Variants in SYTL5 observed in about 807,000 individuals in gnomAD.
SYTL5 encodes the protein synaptotagmin like 5, also known as synaptotagmin-like protein 5.
In SYTL5, 34 loss-of-function variants were observed where a neutral mutation model predicts 55.9. The observed-to-expected ratio is 0.61, with a 90% CI of 0.46 to 0.81. The LOEUF is 0.81. Among genes scored for constraint, SYTL5 ranks in the 30% least tolerant of loss-of-function variants. The pLI, the probability that SYTL5 is intolerant of heterozygous loss-of-function variation, is 0.00. For synonymous variants in SYTL5, 221 were observed against 188.7 expected (o/e 1.17, Z -1.40); for missense variants, 637 against 546.7 (o/e 1.17, Z -1.65).
At chrX:37,914,902 T>C in the SYTL5 span, among the ~76,000 whole-genome samples, 2 of 111,739 alleles carry the variant, frequency 1.8e-5, no homozygotes, top group Admixed American at 1.9e-4. Flanking sequence ...TGTTGTTAAG[T>C]ATATTGTAAT....
At chrX:37,898,413 A>T in the SYTL5 span, among the ~76,000 whole-genome samples, 1 of 111,969 alleles carries the variant, frequency 8.9e-6, no homozygotes, top group African/African-American at 3.2e-5. Context: ...TCAGGAGCTG[A>T]CTTGCTTCTT....
Position 38,043,353 on chromosome X carries a change from T to C in SYTL5, c.119+9345T>C, listed in dbSNP as rs1017055953. On this transcript the variant is annotated intron_variant, in intron 2 of 16. Coordinates refer to ENST00000297875, the MANE Select transcript of SYTL5 (RefSeq NM_138780.3). ...CAGAGGTGAATAGTCTCCATTTGTG[T>C]TGAATTTCCTTCCTGTCACTTTTAT... 3.2e-4 allele frequency among the ~76,000 whole-genome samples: 35 copies of C among 108,837 alleles called. 1 individual carries two copies. The highest frequency in any genetic ancestry group is 6.1e-4 in the Non-Finnish European group (32 of 52,363). 94.5% of individuals were successfully genotyped at this position (108,837 alleles called of 115,157 possible). A position where few individuals can be genotyped will look rare whatever the true frequency, so the allele number is the denominator to read the frequency against.
At chrX:37,956,665 C>T in the SYTL5 span, among the ~76,000 whole-genome samples, 2 of 111,664 alleles carry the variant, frequency 1.8e-5, no homozygotes, top group African/African-American at 6.5e-5. Flanking sequence ...TATTTATATA[C>T]CGTATTTTTT....
At position 38,106,752 on chromosome X, in the gene SYTL5, A is replaced by G; in HGVS notation, c.1315A>G (p.Lys439Glu). ...NCRNLAIGDE[K>E]KQRTDAYVKS... is the part of the protein sequence containing the mutation. ...CAGAAATCTGGCCATAGGAGATGAA[A>G]AGAAACAGAGGACAGATGCGTAAGC... Residue 439 changes from lysine to glutamate, a missense_variant, in exon 11 of 17, where the codon AAG (lysine) becomes GAG (glutamate). Physicochemically the swap from Lys to Glu is moderately conservative, Grantham distance 56. Transcript: ENST00000297875. 8.3e-7 allele frequency: 1 copy of G among 1,201,975 alleles called. No individual in the cohort carries two copies. Among genetic ancestry groups the G allele is most frequent in the Middle Eastern group, 2.3e-4 (1 of 4,310 alleles).
chrX:38,014,103 C>A (rs1934272878), intron 1 of SYTL5, among the ~76,000 whole-genome samples: 1 of 112,608 alleles, frequency 8.9e-6, no homozygotes, highest in Non-Finnish European at 1.9e-5. Flanking sequence ...TAATAAAACT[C>A]TTTTGGTATG....
At chrX:38,078,479 C>T (rs1430718943) in intron 6 of SYTL5, among the ~76,000 whole-genome samples, 4 of 110,389 alleles carry the variant, frequency 3.6e-5, no homozygotes, top group African/African-American at 1.3e-4. Flanking sequence ...CCAGGACAGT[C>T]TTGATCTCCT....
the SYTL5 span, among the ~76,000 whole-genome samples, chrX:37,903,494 G>T: frequency 7.1e-5 from 7 of 98,771 alleles, no homozygotes; most frequent in African/African-American, 2.6e-4. Context: ...GGTGGGAATT[G>T]AACAATGAGA....
At chrX:38,046,265 G>A (rs1250072515) in intron 2 of SYTL5, among the ~76,000 whole-genome samples, 1 of 111,331 alleles carries the variant, frequency 9.0e-6, no homozygotes, top group African/African-American at 3.3e-5. Flanking sequence ...GTATTAGTTC[G>A]TTTTCATGCT....
chrX:38,099,972 G>A, intron 9 of SYTL5, among the ~76,000 whole-genome samples: 1 of 111,243 alleles, frequency 9.0e-6, no homozygotes, highest in East Asian at 2.8e-4. Context: ...CAGTTTGCTA[G>A]CATTTTGATG....
At chrX:38,040,639 T>A (rs1005525802) in intron 2 of SYTL5, among the ~76,000 whole-genome samples, 1 of 111,801 alleles carries the variant, frequency 8.9e-6, no homozygotes, top group Admixed American at 9.5e-5. Flanking sequence ...CCATCCATGT[T>A]GTTGCAAATG....
At chrX:38,009,775 C>T (rs183591342) in intron 1 of SYTL5, among the ~76,000 whole-genome samples, 90 of 111,482 alleles carry the variant, frequency 8.1e-4, no homozygotes, top group African/African-American at 2.8e-3. Context: ...AGCCAAAGAG[C>T]CAGGTTTAAG....
chrX:37,898,613 A>G, the SYTL5 span, among the ~76,000 whole-genome samples: 1 of 112,371 alleles, frequency 8.9e-6, no homozygotes, highest in South Asian at 3.7e-4. Context: ...TCTTTAATAT[A>G]GTCCTTTTCT....
At chrX:38,014,491 T>C (rs1301471349) in intron 1 of SYTL5, among the ~76,000 whole-genome samples, 5 of 112,066 alleles carry the variant, frequency 4.5e-5, no homozygotes, top group Non-Finnish European at 9.4e-5. Flanking sequence ...CTCAATCAAT[T>C]TACAAAGTTT....
the SYTL5 span, among the ~76,000 whole-genome samples, chrX:37,915,157 T>C: frequency 6.3e-5 from 7 of 111,649 alleles, no homozygotes; most frequent in South Asian, 3.8e-4. Flanking sequence ...TGTGTGTGTG[T>C]GCGCGCGCAT....
chrX:37,993,763 T>G, the SYTL5 span, among the ~76,000 whole-genome samples: 1 of 112,475 alleles, frequency 8.9e-6, no homozygotes, highest in East Asian at 2.8e-4. Context: ...AGGCTAAACT[T>G]AAAGAACCTG....
At chrX:38,107,072 C>G (rs943140354) in intron 11 of SYTL5, among the ~76,000 whole-genome samples, 5 of 112,464 alleles carry the variant, frequency 4.4e-5, no homozygotes, top group African/African-American at 1.6e-4. Flanking sequence ...ACAAAAGCAT[C>G]TTGTCGATTT....
the SYTL5 span, among the ~76,000 whole-genome samples, chrX:37,972,362 G>C: frequency 9.0e-6 from 1 of 111,204 alleles, no homozygotes; most frequent in African/African-American, 3.3e-5. Context: ...AACTTCCTAG[G>C]AGAAAACCAA....
the SYTL5 span, among the ~76,000 whole-genome samples, chrX:37,980,866 A>G: frequency 8.9e-6 from 1 of 112,056 alleles, no homozygotes; most frequent in Non-Finnish European, 1.9e-5. Flanking sequence ...GTATACTGGG[A>G]CCTGATCATC....
intron 6 of SYTL5, among the ~76,000 whole-genome samples, chrX:38,079,515 T>C (rs1244754535): frequency 8.9e-6 from 1 of 112,263 alleles, no homozygotes. Context: ...TTATTCAAGG[T>C]AGTGATTTCT....
Sources: allele counts gnomAD v4.1 joint callset (sites outside exome capture counted in the v4.1 genomes callset), GRCh38; gene constraint gnomAD v4.1.1; transcripts MANE v1.5; gene names NCBI Gene and HGNC (gene_info 2026-07-23, HGNC 2026-07-21).